The following FAM117B variants were observed in gnomAD, a reference collection of about 807,000 sequenced individuals.
FAM117B encodes protein FAM117B.
FAM117B carries 22 observed loss-of-function variants against 52.8 expected under a neutral mutation model. The ratio of observed to expected loss-of-function variants is 0.42; its 90% CI spans 0.30 to 0.59. FAM117B has a LOEUF of 0.59. Ranked by LOEUF, FAM117B falls within the 20% of genes least tolerant of loss-of-function variation. FAM117B has a pLI of 0.22. For synonymous variants in FAM117B, 309 were observed against 324.1 expected (o/e 0.95, Z 0.50); for missense variants, 678 against 802.6 (o/e 0.84, Z 1.88).
At chr2:202,691,651 G>GTGTGTGTGTGTGTGTA (rs1690626386) in intron 1 of FAM117B, among the ~76,000 whole-genome samples, 2 of 32,468 alleles carry the variant, frequency 6.2e-5, no homozygotes, top group Non-Finnish European at 1.0e-4. Flanking sequence ...AGTTTACATT[G>GTGTGTGTGTGTGTGTA]TGTGTGTGTG....
At chr2:202,642,181 C>T (rs1303415681) in intron 1 of FAM117B, among the ~76,000 whole-genome samples, 2 of 145,834 alleles carry the variant, frequency 1.4e-5, no homozygotes, top group Non-Finnish European at 3.0e-5. Flanking sequence ...TCCTGAACTC[C>T]TGACCTCGTG....
At chr2:202,746,963 C>CA (rs993415927) in intron 4 of FAM117B, among the ~76,000 whole-genome samples, 60 of 40,810 alleles carry the variant, frequency 1.5e-3, no homozygotes, top group Non-Finnish European at 2.4e-3. Flanking sequence ...AAAAACAAAA[C>CA]AAAAAAAAAC....
intron 2 of FAM117B, among the ~76,000 whole-genome samples, chr2:202,699,577 C>T (rs984673645): frequency 1.3e-5 from 2 of 150,814 alleles, no homozygotes; most frequent in African/African-American, 4.9e-5. Flanking sequence ...GGTGGGCTCT[C>T]ATCTTTGGCA....
intron 1 of FAM117B, among the ~76,000 whole-genome samples, chr2:202,636,258 T>G (rs1689685302): frequency 6.6e-6 from 1 of 152,228 alleles, no homozygotes; most frequent in African/African-American, 2.4e-5. Flanking sequence ...TCTGGGGTAC[T>G]GAATGCATTA....
At chr2:202,686,464 C>T (rs557038636) in intron 1 of FAM117B, among the ~76,000 whole-genome samples, 2 of 152,314 alleles carry the variant, frequency 1.3e-5, no homozygotes, top group African/African-American at 4.8e-5. Flanking sequence ...CAAGAATTTT[C>T]GTATATGACT....
intron 4 of FAM117B, among the ~76,000 whole-genome samples, chr2:202,741,175 A>G (rs1691529900): frequency 6.6e-6 from 1 of 152,098 alleles, no homozygotes; most frequent in South Asian, 2.1e-4. Context: ...TAATCCCAGC[A>G]CTTTGGGAGG....
intron 1 of FAM117B, among the ~76,000 whole-genome samples, chr2:202,659,586 C>T (rs986528274): frequency 5.8e-5 from 8 of 138,434 alleles, no homozygotes; most frequent in African/African-American, 1.9e-4. Context: ...GCTGAGATTA[C>T]AGACGTGAGC....
At chr2:202,671,018 A>G (rs944551703) in intron 1 of FAM117B, among the ~76,000 whole-genome samples, 1 of 151,676 alleles carries the variant, frequency 6.6e-6, no homozygotes, top group African/African-American at 2.4e-5. Context: ...CTTTCTCCTT[A>G]TTTCTAAATC....
intron 1 of FAM117B, among the ~76,000 whole-genome samples, chr2:202,685,184 C>T (rs1690521138): frequency 6.6e-6 from 1 of 151,988 alleles, no homozygotes; most frequent in Non-Finnish European, 1.5e-5. Flanking sequence ...GGGGTTTCAC[C>T]ATGTTGGCCA....
chr2:202,682,695 A>G (rs914863238), intron 1 of FAM117B, among the ~76,000 whole-genome samples: 12 of 152,254 alleles, frequency 7.9e-5, no homozygotes, highest in African/African-American at 2.9e-4. Flanking sequence ...AGAGTGAAAT[A>G]TAGAATATGT....
intron 1 of FAM117B, among the ~76,000 whole-genome samples, chr2:202,647,185 TATA>T (rs1399650735): frequency 2.0e-5 from 3 of 152,154 alleles, no homozygotes. Flanking sequence ...TAGGAAAATT[TATA>T]ATGTTTATAG....
At chr2:202,750,901 A>T (rs747908950) in intron 4 of FAM117B, among the ~76,000 whole-genome samples, 38 of 152,190 alleles carry the variant, frequency 2.5e-4, no homozygotes, top group Non-Finnish European at 2.6e-4. Context: ...GGGCAAAGGA[A>T]GAATGTTCTT....
At chr2:202,683,928 G>A (rs1052877294) in intron 1 of FAM117B, among the ~76,000 whole-genome samples, 15 of 151,670 alleles carry the variant, frequency 9.9e-5, no homozygotes, top group East Asian at 1.9e-4. Context: ...GTGCAGTGGC[G>A]CGATCATGGC....
chr2:202,742,749 A>G (rs935061677), intron 4 of FAM117B, among the ~76,000 whole-genome samples: 3 of 152,232 alleles, frequency 2.0e-5, no homozygotes, highest in African/African-American at 7.2e-5. Flanking sequence ...TATTCACAAC[A>G]TATACCACAG....
In FAM117B at chr2:202,635,744, G is replaced by C. The variant is rs1222154843; in HGVS notation, c.557G>C (p.Ser186Thr). 1.4e-6 allele frequency: 2 copies of C among 1,457,856 alleles called. No individual in the cohort carries two copies. The highest frequency in any genetic ancestry group is 9.0e-7 in the Non-Finnish European group (1 of 1,108,016). 90.3% of individuals were successfully genotyped at this position (1,457,856 alleles called of 1,614,324 possible). A position where few individuals can be genotyped will look rare whatever the true frequency, so the allele number is the denominator to read the frequency against. The change falls in exon 1 of 8, where the codon AGC (serine) becomes ACC (threonine). Residue 186 changes from serine to threonine, a missense_variant. Physicochemically the swap from Ser to Thr is moderately conservative, Grantham distance 58. Transcript: ENST00000392238. ...HRRRSPEQSR[S>T]SPEKRSPSAP... ...AGGAGGTCTCCGGAGCAGAGCCGAA[G>C]CTCGCCGGAGAAGAGGAGCCCCAGC... is the stretch of plus-strand genomic sequence containing the variant.
At chr2:202,647,041 T>A (rs1412340136) in intron 1 of FAM117B, among the ~76,000 whole-genome samples, 1 of 152,150 alleles carries the variant, frequency 6.6e-6, no homozygotes, top group Admixed American at 6.6e-5. Context: ...ATCTCTTCCC[T>A]TTTCTTAGAT....
intron 5 of FAM117B, among the ~76,000 whole-genome samples, chr2:202,755,977 A>G (rs1470428280): frequency 6.6e-6 from 1 of 152,244 alleles, no homozygotes; most frequent in Non-Finnish European, 1.5e-5. Context: ...TCCAGTTAAC[A>G]AAAGTTTAGC....
intron 4 of FAM117B, among the ~76,000 whole-genome samples, chr2:202,755,131 C>A (rs145170622): frequency 6.6e-6 from 1 of 151,994 alleles, no homozygotes; most frequent in Non-Finnish European, 1.5e-5. Flanking sequence ...AGGGACTGTG[C>A]TAAACCATTC....
At chr2:202,664,061 T>G (rs1011886473) in intron 1 of FAM117B, among the ~76,000 whole-genome samples, 1 of 152,230 alleles carries the variant, frequency 6.6e-6, no homozygotes, top group African/African-American at 2.4e-5. Flanking sequence ...TTCCTATCAG[T>G]GAATCTAGAA....
Sources: gnomAD v4.1 joint callset for allele counts (sites outside exome capture counted in the v4.1 genomes callset) on GRCh38, gnomAD v4.1.1 for gene constraint, MANE v1.5 for transcripts, NCBI Gene and HGNC (gene_info 2026-07-23, HGNC 2026-07-21) for gene names.